FSTL5: variants seen among roughly 807,000 people sequenced by gnomAD.
FSTL5 encodes the protein follistatin like 5.
Under a neutral mutation model 89.1 loss-of-function variants are expected in FSTL5, and 62 were observed. The observed-to-expected ratio is 0.70, with a 90% confidence interval of 0.57 to 0.86. FSTL5 has a LOEUF of 0.86. Among genes scored for constraint, FSTL5 ranks in the 40% least tolerant of loss-of-function variants. The probability of loss-of-function intolerance (pLI) is 0.00; values close to 1 mark genes in which losing one functional copy is unlikely to be tolerated. For synonymous variants in FSTL5, 383 were observed against 346.2 expected, an observed-to-expected ratio of 1.11 and a Z score of -1.18; for missense variants, 1,057 against 1,001.6, an observed-to-expected ratio of 1.06 and a Z score of -0.75.
At chr4:161,933,508 A>G (rs1335709647) in intron 3 of FSTL5, among the ~76,000 whole-genome samples, 1 of 152,098 alleles carries the variant, frequency 6.6e-6, no homozygotes, top group Non-Finnish European at 1.5e-5. Flanking sequence ...AAAAGTTGTC[A>G]CATGAGAGAT....
intron 2 of FSTL5, among the ~76,000 whole-genome samples, chr4:162,107,791 C>A (rs1019812855): frequency 6.6e-6 from 1 of 152,038 alleles, no homozygotes; most frequent in Non-Finnish European, 1.5e-5. Context: ...CTTTTCGTCC[C>A]TATGTCTGCC....
intron 15 of FSTL5, among the ~76,000 whole-genome samples, chr4:161,402,881 G>A (rs1367509536): frequency 6.6e-6 from 1 of 151,582 alleles, no homozygotes; most frequent in Non-Finnish European, 1.5e-5. Flanking sequence ...GAGTGCAGTG[G>A]CATGATCTTG....
chr4:161,710,597 T>G (rs1487284004), intron 6 of FSTL5, among the ~76,000 whole-genome samples: 1 of 152,202 alleles, frequency 6.6e-6, no homozygotes, highest in Non-Finnish European at 1.5e-5. Flanking sequence ...TCAGCCATTC[T>G]AGGTTAACAG....
chr4:162,021,262 C>CT (rs1737073882), intron 3 of FSTL5, among the ~76,000 whole-genome samples: 1 of 152,052 alleles, frequency 6.6e-6, no homozygotes, highest in South Asian at 2.1e-4. Context: ...AAAGGTTTAA[C>CT]TGTATTGCAT....
intron 4 of FSTL5, among the ~76,000 whole-genome samples, chr4:161,827,629 G>A (rs1263013079): frequency 6.6e-6 from 1 of 152,176 alleles, no homozygotes; most frequent in Non-Finnish European, 1.5e-5. Context: ...GCTTGCTGTG[G>A]CTGCTGTGGA....
At chr4:161,485,749 G>C (rs1191478380) in intron 12 of FSTL5, among the ~76,000 whole-genome samples, 1 of 152,020 alleles carries the variant, frequency 6.6e-6, no homozygotes, top group Non-Finnish European at 1.5e-5. Flanking sequence ...CATAAGTATA[G>C]TTTATATGTC....
chr4:161,735,338 C>A (rs1273404584), intron 6 of FSTL5, among the ~76,000 whole-genome samples: 1 of 152,082 alleles, frequency 6.6e-6, no homozygotes, highest in Non-Finnish European at 1.5e-5. Flanking sequence ...CTCCCTGAAC[C>A]CTGTGCCTTT....
intron 2 of FSTL5, among the ~76,000 whole-genome samples, chr4:162,045,926 T>G (rs1872069): frequency 6.6e-6 from 1 of 150,530 alleles, no homozygotes; most frequent in African/African-American, 2.4e-5. Flanking sequence ...TACAATATTT[T>G]ACGAGTTTTT....
At chr4:161,836,012 T>C (rs1731026577) in intron 4 of FSTL5, among the ~76,000 whole-genome samples, 1 of 152,084 alleles carries the variant, frequency 6.6e-6, no homozygotes, top group Non-Finnish European at 1.5e-5. Context: ...CACATATGTT[T>C]ATTGCAGCAC....
At chr4:161,591,606 AAAAG>A (rs1733824348) in intron 7 of FSTL5, among the ~76,000 whole-genome samples, 1 of 152,222 alleles carries the variant, frequency 6.6e-6, no homozygotes, top group African/African-American at 2.4e-5. Context: ...TAGAAATCAA[AAAAG>A]AAAGAATAAT....
At chr4:161,796,304 T>A (rs1262180611) in intron 4 of FSTL5, among the ~76,000 whole-genome samples, 1 of 151,824 alleles carries the variant, frequency 6.6e-6, no homozygotes, top group Admixed American at 6.6e-5. Context: ...AACAGAAAGA[T>A]GAATAATTTT....
chr4:161,738,169 C>T (rs543100052), intron 6 of FSTL5, among the ~76,000 whole-genome samples: 49 of 152,108 alleles, frequency 3.2e-4, no homozygotes, highest in Non-Finnish European at 6.8e-4. Flanking sequence ...TAATAAACTA[C>T]GTTTTCTGGG....
intron 4 of FSTL5, among the ~76,000 whole-genome samples, chr4:161,807,263 A>G (rs1405542670): frequency 1.3e-5 from 2 of 151,576 alleles, no homozygotes; most frequent in Non-Finnish European, 2.9e-5. Context: ...ATGGGGTCTC[A>G]TTGTGTTGCC....
At chr4:161,622,676 T>G (rs1191009027) in intron 7 of FSTL5, among the ~76,000 whole-genome samples, 3 of 152,096 alleles carry the variant, frequency 2.0e-5, no homozygotes, top group African/African-American at 7.2e-5. Context: ...CACTAGCAGA[T>G]GAAGGCAAAC....
At chr4:161,723,390 T>C (rs894236801) in intron 6 of FSTL5, among the ~76,000 whole-genome samples, 3 of 152,174 alleles carry the variant, frequency 2.0e-5, no homozygotes, top group Non-Finnish European at 4.4e-5. Context: ...TTTTAAAAAA[T>C]GGCAATTGTT....
intron 8 of FSTL5, among the ~76,000 whole-genome samples, chr4:161,569,757 A>G (rs777281685): frequency 5.0e-3 from 194 of 38,488 alleles, no homozygotes; most frequent in Admixed American, 9.5e-3. Flanking sequence ...TCCAACACAC[A>G]AACACACACA....
intron 6 of FSTL5, among the ~76,000 whole-genome samples, chr4:161,738,382 C>G (rs1004145644): frequency 1.3e-5 from 2 of 151,972 alleles, no homozygotes; most frequent in Non-Finnish European, 2.9e-5. Flanking sequence ...AAAATAATAT[C>G]TCATCCTATA....
At chr4:161,854,607 C>T (rs1428522243) in intron 4 of FSTL5, among the ~76,000 whole-genome samples, 1 of 152,068 alleles carries the variant, frequency 6.6e-6, no homozygotes, top group Admixed American at 6.6e-5. Flanking sequence ...TTTGTAGATT[C>T]TTTAGTCAGA....
chr4:161,613,466 A>G (rs1734726629), intron 7 of FSTL5, among the ~76,000 whole-genome samples: 1 of 150,358 alleles, frequency 6.7e-6, no homozygotes, highest in Non-Finnish European at 1.5e-5. Flanking sequence ...AAAAAAAATG[A>G]TAATTGTCTA....
Sources: gnomAD v4.1 joint callset for allele counts (sites outside exome capture counted in the v4.1 genomes callset) on GRCh38, gnomAD v4.1.1 for gene constraint, MANE v1.5 for transcripts, NCBI Gene and HGNC (gene_info 2026-07-23, HGNC 2026-07-21) for gene names.